The following PCDHA1 variants were observed in gnomAD, a reference collection of about 807,000 sequenced individuals.
The protein encoded by PCDHA1 is protocadherin alpha 1.
PCDHA1 carries 42 observed loss-of-function variants against 61.3 expected under a neutral mutation model. The observed-to-expected ratio is 0.69, with a 90% CI of 0.54 to 0.89. The LOEUF is 0.89. Among genes scored for constraint, PCDHA1 ranks in the 40% least tolerant of loss-of-function variants. The pLI is 0.00. For missense variants in PCDHA1, 1,256 were observed against 1,235.3 expected (o/e 1.02, Z -0.25); for synonymous variants, 610 against 553.8 (o/e 1.10, Z -1.43).
Position 140,807,834 on chromosome 5 carries a change from ATGGAGGCAAACCCGAGT to A in PCDHA1, c.2394+19153_2394+19169del. The A allele has an allele frequency of 1.2e-6, 2 of 1,614,204 alleles. 1 individual carries two copies. The highest frequency in any genetic ancestry group is 4.5e-5 in the East Asian group (2 of 44,888). On this transcript the variant is annotated intron_variant, in intron 1 of 3. Coordinates refer to ENST00000504120, the MANE Select transcript of PCDHA1 (RefSeq NM_018900.4). ...ATTTTTTTAGTGCTCACAGCCACTG[ATGGAGGCAAACCCGAGT>A]TGACTGGCACCGTTCAGTTACTCAT...
intron 1 of PCDHA1, chr5:140,857,403 C>T (rs782020024): frequency 1.3e-6 from 2 of 1,598,418 alleles, no homozygotes; most frequent in African/African-American, 2.7e-5. Flanking sequence ...GACAACGCGC[C>T]TGCGTTCGCG....
chr5:140,966,957 C>T lies in PCDHA1; in HGVS notation c.2395-11992C>T, dbSNP rs868948639. 4 of 1,602,884 alleles carry T rather than the reference C, an allele frequency of 2.5e-6. No individual in the cohort carries two copies. The African/African-American group carries it at 4.0e-5, about 16-fold the overall frequency. ...GCGCTCGTGGGCAACGTGGCTCGCG[C>T]GCTGGGGCTTGAGCTGCGGCGCTTG... On this transcript the variant is annotated intron_variant, in intron 1 of 3. Transcript: ENST00000504120.
chr5:140,943,139 TC>T (rs1314499841), intron 1 of PCDHA1, among the ~76,000 whole-genome samples: 5 of 151,168 alleles, frequency 3.3e-5, no homozygotes, highest in Non-Finnish European at 5.9e-5. Flanking sequence ...GTGCCTGTAG[TC>T]CCAGCTACTC....
At chr5:140,836,173 T>C in intron 1 of PCDHA1, 2 of 1,613,820 alleles carry the variant, frequency 1.2e-6, no homozygotes, top group Non-Finnish European at 1.7e-6. Flanking sequence ...GTACGTGCAG[T>C]TGACGCTGAC....
Position 140,843,022 on chromosome 5 carries a change from G to A in PCDHA1, c.2394+54338G>A, listed in dbSNP as rs1554139645. On this transcript the variant is annotated intron_variant, in intron 1 of 3. Transcript: ENST00000504120. Reference sequence around the variant, plus strand: ...ATGACAACGCGCCGGCACTGCTGGAGCCTCGGGTGGGTGGCACTGGTGGCG... The same window carrying A: ...ATGACAACGCGCCGGCACTGCTGGAACCTCGGGTGGGTGGCACTGGTGGCG... 15 of 1,595,022 alleles carry A rather than the reference G, an allele frequency of 9.4e-6. 1 individual carries two copies. The highest frequency in any genetic ancestry group is 1.2e-5 in the Non-Finnish European group (14 of 1,165,456).
At chr5:140,928,434 CTT>C (rs1554205890) in intron 1 of PCDHA1, 1 of 1,614,172 alleles carries the variant, frequency 6.2e-7, no homozygotes, top group South Asian at 1.1e-5. Flanking sequence ...CTTCCTTTGA[CTT>C]TGAGCAGCTC....
intron 1 of PCDHA1, among the ~76,000 whole-genome samples, chr5:140,957,050 A>T (rs246010): frequency 0.56 from 85,650 of 151,948 alleles, 24,767 homozygotes; most frequent in African/African-American, 0.69. Context: ...TATAAAATAA[A>T]TTATAAATGT....
At chr5:140,869,052 T>G in intron 1 of PCDHA1, 1 of 1,543,852 alleles carries the variant, frequency 6.5e-7, no homozygotes. Flanking sequence ...AACTGAAGAA[T>G]CTGGTACTGT....
chr5:140,903,172 C>T (rs2070066511), intron 1 of PCDHA1, among the ~76,000 whole-genome samples: 1 of 152,152 alleles, frequency 6.6e-6, no homozygotes, highest in Non-Finnish European at 1.5e-5. Flanking sequence ...GGTTTACATT[C>T]CCACCAATAG....
intron 1 of PCDHA1, among the ~76,000 whole-genome samples, chr5:140,925,600 A>G (rs1489455075): frequency 6.6e-6 from 1 of 151,508 alleles, no homozygotes; most frequent in African/African-American, 2.4e-5. Context: ...TACATATGTA[A>G]CAAACCTGCA....
intron 1 of PCDHA1, among the ~76,000 whole-genome samples, chr5:140,872,251 T>C (rs557937835): frequency 3.3e-5 from 5 of 152,196 alleles, no homozygotes; most frequent in Non-Finnish European, 7.3e-5. Flanking sequence ...CCTGTGATAA[T>C]ACTTGTTTTC....
intron 3 of PCDHA1, among the ~76,000 whole-genome samples, chr5:141,007,519 T>A (rs1554261363): frequency 6.6e-6 from 1 of 151,934 alleles, no homozygotes; most frequent in African/African-American, 2.4e-5. Context: ...AGTGAGCTGA[T>A]ATCTCGCCAC....
At chr5:140,967,128 T>G in intron 1 of PCDHA1, 14 of 1,612,170 alleles carry the variant, frequency 8.7e-6, no homozygotes, top group Non-Finnish European at 1.1e-5. Flanking sequence ...CTGCTCAGCT[T>G]GGAAGTGCTG....
chr5:140,911,974 A>C (rs1471523711), intron 1 of PCDHA1, among the ~76,000 whole-genome samples: 3 of 152,212 alleles, frequency 2.0e-5, no homozygotes, highest in African/African-American at 4.8e-5. Flanking sequence ...GTATTAACTC[A>C]CATGATCACA....
At chr5:140,853,121 C>T in intron 1 of PCDHA1, 1 of 518,370 alleles carries the variant, frequency 1.9e-6, no homozygotes, top group Middle Eastern at 9.7e-4. Flanking sequence ...CCTCATGATC[C>T]TCCCGCCTCA....
chr5:140,926,880 G>A lies in PCDHA1; in HGVS notation c.2395-52069G>A. 4 of 1,534,946 alleles carry A rather than the reference G, an allele frequency of 2.6e-6. No homozygotes were observed. The South Asian group carries it at 3.8e-5, about 15-fold the overall frequency. On this transcript the variant is annotated intron_variant, in intron 1 of 3. Transcript: ENST00000504120. ...TGTAGCGTGTTGGTGGAACGTGGAC[G>A]CCTAGAGGGAGGATGGTGGGCTGTG...
chr5:140,813,496 G>T (rs1278753033), intron 1 of PCDHA1: 1 of 152,076 alleles, frequency 6.6e-6, no homozygotes, highest in Non-Finnish European at 1.5e-5. Flanking sequence ...CATCTAAAAG[G>T]TACAGTAAAA....
intron 1 of PCDHA1, among the ~76,000 whole-genome samples, chr5:140,936,121 G>C (rs1381895785): frequency 6.6e-6 from 1 of 152,068 alleles, no homozygotes; most frequent in Non-Finnish European, 1.5e-5. Flanking sequence ...TCGAACTCCT[G>C]ACCTTAAGTG....
Position 140,786,384 on chromosome 5 carries a change from C to T in PCDHA1, c.94C>T (p.His32Tyr). 6.2e-7 allele frequency: 1 copy of T among 1,613,716 alleles called. No homozygotes were observed. The highest frequency in any genetic ancestry group is 8.5e-7 in the Non-Finnish European group (1 of 1,180,044). Residue 32 changes from histidine to tyrosine, a missense_variant, in exon 1 of 4, where the codon CAC becomes TAC. Physicochemically the swap from His to Tyr is moderately conservative, Grantham distance 83. Transcript: ENST00000504120. Reference protein sequence around the residue: ...AAWEVGSGQLHYSIPEEAKHG... With the variant: ...AAWEVGSGQLYYSIPEEAKHG... ...CTGGGAGGTGGGGAGCGGCCAGCTC[C>T]ACTACTCGATCCCGGAGGAAGCCAA...
Sources: gnomAD v4.1 joint callset for allele counts (sites outside exome capture counted in the v4.1 genomes callset) on GRCh38, gnomAD v4.1.1 for gene constraint, MANE v1.5 for transcripts, NCBI Gene and HGNC (gene_info 2026-07-23, HGNC 2026-07-21) for gene names.